The following FGF13 variants were observed in gnomAD, a reference collection of about 807,000 sequenced individuals.
The protein encoded by FGF13 is fibroblast growth factor homologous factor 2.
A neutral mutation model predicts 19.5 loss-of-function variants in FGF13; 2 were observed. The ratio of observed to expected loss-of-function variants is 0.10; its 90% CI spans 0.04 to 0.32. The LOEUF (loss-of-function observed/expected upper bound fraction) is 0.32, where lower values mean the gene tolerates loss of function less well. FGF13 is among the 10% of genes least tolerant of loss of function. The pLI is 1.00. For synonymous variants in FGF13, 72 were observed against 76.9 expected (o/e 0.94, Z 0.33); for missense variants, 113 against 192.7 (o/e 0.59, Z 2.45).
At chrX:139,039,376 G>A (rs1246017903) in intron 1 of FGF13, among the ~76,000 whole-genome samples, 2 of 111,877 alleles carry the variant, frequency 1.8e-5, no homozygotes, top group Non-Finnish European at 1.9e-5. Flanking sequence ...CCTTGACACA[G>A]TGTCAGAAAT....
At chrX:138,987,083 AC>A (rs2091997500) in intron 1 of FGF13, among the ~76,000 whole-genome samples, 1 of 112,262 alleles carries the variant, frequency 8.9e-6, no homozygotes, top group South Asian at 3.7e-4. Flanking sequence ...GCCCAGCCAC[AC>A]TTCAGTTCCT....
At chrX:138,931,637 T>C in intron 1 of FGF13, among the ~76,000 whole-genome samples, 1 of 111,812 alleles carries the variant, frequency 8.9e-6, no homozygotes, top group Admixed American at 9.5e-5. Flanking sequence ...CTCCAACATA[T>C]CCAACATAGC....
intron 4 of FGF13, 132 bp downstream of exon 4, chrX:138,635,325 T>G: frequency 1.7e-6 from 1 of 603,543 alleles, no homozygotes; most frequent in Non-Finnish European, 2.6e-6. Context: ...TGCACCAAAA[T>G]TTCAGAAATC....
rs762751642 is a variant in FGF13, at chrX:138,632,810, G to T, written c.*40C>A. The T allele has an allele frequency of 8.5e-7, 1 of 1,178,670 alleles. No homozygotes were observed. The highest frequency in any genetic ancestry group is 1.1e-6 in the Non-Finnish European group (1 of 873,913). On this transcript the variant is annotated 3_prime_UTR_variant, in exon 5 of 5. Transcript: ENST00000315930. ...TAGAAGAATTCAACAGCACCTGGAG[G>T]TAAGGTTCTGTTACAGAGCCCTTCT...
At chrX:139,140,911 T>C (rs1439411780) in intron 1 of FGF13, among the ~76,000 whole-genome samples, 1 of 110,512 alleles carries the variant, frequency 9.0e-6, no homozygotes, top group Non-Finnish European at 1.9e-5. Context: ...CCAATTCTCC[T>C]TTCTCCTAAG....
At chrX:138,944,510 GA>G (rs60982420) in intron 1 of FGF13, among the ~76,000 whole-genome samples, 5 of 47,809 alleles carry the variant, frequency 1.0e-4, no homozygotes, top group Admixed American at 2.2e-4. Context: ...CAAAAAAAAA[GA>G]AAAAAAAAAT....
At chrX:138,844,062 C>T (rs17284593) in intron 3 of FGF13, among the ~76,000 whole-genome samples, 11,637 of 111,779 alleles carry the variant, frequency 0.1, 562 homozygotes, top group South Asian at 0.17. Flanking sequence ...CAGCAAGAAA[C>T]GTTCACTGCT....
intron 2 of FGF13, among the ~76,000 whole-genome samples, chrX:138,858,907 C>A (rs866799762): frequency 2.8e-5 from 3 of 108,259 alleles, no homozygotes; most frequent in Non-Finnish European, 5.6e-5. Context: ...AGTATAAAAA[C>A]CAACATAACT....
At chrX:138,757,036 C>G (rs1300953236) in intron 3 of FGF13, among the ~76,000 whole-genome samples, 1 of 111,174 alleles carries the variant, frequency 9.0e-6, no homozygotes. Context: ...TATACTGGAG[C>G]CACATCGAAG....
At chrX:138,696,355 A>G (rs1332189673) in intron 3 of FGF13, among the ~76,000 whole-genome samples, 1 of 112,143 alleles carries the variant, frequency 8.9e-6, no homozygotes, top group Non-Finnish European at 1.9e-5. Flanking sequence ...GTGTCTACTA[A>G]TTGGTATAAT....
chrX:138,990,172 G>A, intron 1 of FGF13, among the ~76,000 whole-genome samples: 1 of 110,995 alleles, frequency 9.0e-6, no homozygotes, highest in South Asian at 3.9e-4. Context: ...GTGGGATTAT[G>A]TGCAGGGCAC....
rs2091854226 is a variant in FGF13 at position 138,958,742 on chromosome X, AGTC to A, written c.-112-94095_-112-94093del. Among the ~76,000 whole-genome samples the A allele has an allele frequency of 7.2e-5, 8 of 111,544 alleles. No homozygotes were observed. The East Asian group carries it at 1.1e-3, about 16-fold the overall frequency. On this transcript the variant is annotated intron_variant, in intron 1 of 2. Coordinates refer to the FGF13 transcript ENST00000421460. ...CAAGGATTCAACTTCTTCCTGGTTT[AGTC>A]TTGGGAGGGTGTATGTGTCCAGGAA... is the stretch of plus-strand genomic sequence containing the variant.
chrX:139,004,380 G>A (rs1022375462), intron 1 of FGF13, among the ~76,000 whole-genome samples: 11 of 112,625 alleles, frequency 9.8e-5, no homozygotes, highest in South Asian at 3.6e-4. Context: ...AGCGCCGCAC[G>A]CAGCCCTGGT....
rs756839627 is a variant in FGF13, at chrX:138,892,002, A to ATATATGTGTGTGTGTGTGTGTG, written c.-112-27353_-112-27352insCACACACACACACACACATATA. On this transcript the variant is annotated intron_variant, in intron 1 of 2. Transcript: ENST00000421460. The stretch of plus-strand genomic sequence containing the variant: ...TCTGTCTCTCTCTCTATATATACAT[A>ATATATGTGTGTGTGTGTGTGTG]TGTGTGTGTGTGTGTGTGTGTGTGT... 2.3e-3 allele frequency among the ~76,000 whole-genome samples: 209 copies of ATATATGTGTGTGTGTGTGTGTG among 90,377 alleles called. 1 individual carries two copies. The highest frequency in any genetic ancestry group is 7.8e-3 in the African/African-American group (185 of 23,624). The allele number at this position is 90,377 out of a possible 115,157, so 78.5% of individuals were successfully genotyped here.
intron 1 of FGF13, among the ~76,000 whole-genome samples, chrX:139,050,301 A>AG (rs1188503931): frequency 8.9e-6 from 1 of 111,980 alleles, no homozygotes; most frequent in Non-Finnish European, 1.9e-5. Flanking sequence ...CATCCAAGAC[A>AG]ATAATCTATC....
intron 1 of FGF13, among the ~76,000 whole-genome samples, chrX:138,887,551 T>C (rs1412831509): frequency 1.8e-5 from 2 of 111,397 alleles, no homozygotes; most frequent in Non-Finnish European, 3.8e-5. Flanking sequence ...CTTACCAGCA[T>C]TGTGACACAG....
chrX:138,671,644 C>T (rs1005296903), intron 3 of FGF13, among the ~76,000 whole-genome samples: 2 of 111,073 alleles, frequency 1.8e-5, no homozygotes. Flanking sequence ...TAAGCAAGTA[C>T]GTATTGATTC....
chrX:139,132,936 C>T (rs2148234253), intron 1 of FGF13, among the ~76,000 whole-genome samples: 1 of 111,443 alleles, frequency 9.0e-6, no homozygotes, highest in South Asian at 3.7e-4. Flanking sequence ...GAAATAAAAT[C>T]CACATACTTC....
intron 3 of FGF13, among the ~76,000 whole-genome samples, chrX:138,696,495 T>G (rs767749358): frequency 8.9e-6 from 1 of 111,994 alleles, no homozygotes; most frequent in South Asian, 3.7e-4. Flanking sequence ...CTGTGAACTA[T>G]ATCTCATTCA....
Sources: allele counts gnomAD v4.1 joint callset (sites outside exome capture counted in the v4.1 genomes callset), GRCh38; gene constraint gnomAD v4.1.1; transcripts MANE v1.5; gene names NCBI Gene and HGNC (gene_info 2026-07-23, HGNC 2026-07-21).